The following MDGA2 variants were observed in gnomAD, a reference collection of about 807,000 sequenced individuals.
The protein encoded by MDGA2 is MAM domain-containing glycosylphosphatidylinositol anchor protein 2.
MDGA2 carries 40 observed loss-of-function variants against 117.8 expected under a neutral mutation model. The observed-to-expected ratio is 0.34, with a 90% CI of 0.26 to 0.44. The LOEUF (loss-of-function observed/expected upper bound fraction) is 0.44, where lower values mean the gene tolerates loss of function less well. MDGA2 is among the 20% of genes least tolerant of loss of function. The probability of loss-of-function intolerance (pLI) is 1.00; values close to 1 mark genes in which losing one functional copy is unlikely to be tolerated. For missense variants in MDGA2, 1,123 were observed against 1,250.6 expected, an observed-to-expected ratio of 0.90 and a Z score of 1.54; for synonymous variants, 452 against 439.0, an observed-to-expected ratio of 1.03 and a Z score of -0.37.
At chr14:47,641,403 C>T (rs960909769) in intron 1 of MDGA2, among the ~76,000 whole-genome samples, 3 of 152,014 alleles carry the variant, frequency 2.0e-5, no homozygotes, top group East Asian at 1.9e-4. Flanking sequence ...AGAGACATCT[C>T]ACCATTTCTG....
chr14:47,236,186 G>T lies in MDGA2; in HGVS notation c.421-17991C>A, dbSNP rs1337900089. Among the ~76,000 whole-genome samples, 3 of 151,376 alleles carry T rather than the reference G, an allele frequency of 2.0e-5. No individual in the cohort carries two copies. In the East Asian group the frequency reaches 5.8e-4, roughly 29 times the overall value. ...GGCGCCTGTAGTCCCAGCTGCTCAG[G>T]AGGCTGAGGCAAGAGAATGGCGTCA... On this transcript the variant is annotated intron_variant, in intron 2 of 16. Coordinates refer to ENST00000399232, the MANE Select transcript of MDGA2 (RefSeq NM_001113498.3).
At chr14:47,621,419 G>A (rs1897048036) in intron 1 of MDGA2, among the ~76,000 whole-genome samples, 1 of 151,988 alleles carries the variant, frequency 6.6e-6, no homozygotes, top group South Asian at 2.1e-4. Context: ...GGAGCTCCTG[G>A]GTTCAAATGA....
At chr14:47,263,251 G>A (rs1170795562) in intron 2 of MDGA2, among the ~76,000 whole-genome samples, 1 of 151,962 alleles carries the variant, frequency 6.6e-6, no homozygotes, top group Non-Finnish European at 1.5e-5. Flanking sequence ...TTAAGAACGT[G>A]GATTTAGTTA....
In MDGA2 at chr14:47,561,163, GT is replaced by G. The variant is rs1309865250; in HGVS notation, c.280+113353del. Among the ~76,000 whole-genome samples the G allele has an allele frequency of 1.5e-4, 13 of 83,886 alleles. 2 individuals carry two copies. The highest frequency in any genetic ancestry group is 4.6e-4 in the South Asian group (1 of 2,164). The allele number at this position is 83,886 out of a possible 152,430, so 55.0% of individuals were successfully genotyped here. A position where few individuals can be genotyped will look rare whatever the true frequency, so the allele number is the denominator to read the frequency against. ...TTTGTTTTTTTTTTTGTTTTGTTTT[GT>G]TTTTTTGTTTGTTTGTTTTTTTTTG... On this transcript the variant is annotated intron_variant, in intron 1 of 16. Coordinates refer to ENST00000399232, the MANE Select transcript of MDGA2 (RefSeq NM_001113498.3).
At chr14:46,879,941 G>T (rs910445469) in intron 11 of MDGA2, among the ~76,000 whole-genome samples, 2 of 152,056 alleles carry the variant, frequency 1.3e-5, no homozygotes, top group African/African-American at 2.4e-5. Context: ...AGCAGGAAAC[G>T]TATACTTAAG....
chr14:47,256,747 G>A (rs887811104), intron 2 of MDGA2, among the ~76,000 whole-genome samples: 1 of 151,492 alleles, frequency 6.6e-6, no homozygotes, highest in Non-Finnish European at 1.5e-5. Context: ...TTTATTAAAT[G>A]TAACAAATCA....
At chr14:47,375,779 T>C (rs1207064830) in intron 1 of MDGA2, among the ~76,000 whole-genome samples, 1 of 152,138 alleles carries the variant, frequency 6.6e-6, no homozygotes, top group Non-Finnish European at 1.5e-5. Context: ...ATTTTGTGTT[T>C]CTATGAAATG....
At chr14:47,569,476 G>A (rs1895980060) in intron 1 of MDGA2, among the ~76,000 whole-genome samples, 1 of 152,084 alleles carries the variant, frequency 6.6e-6, no homozygotes, top group Admixed American at 6.6e-5. Context: ...GTCTCTCATT[G>A]ACTATGAAGA....
intron 1 of MDGA2, among the ~76,000 whole-genome samples, chr14:47,542,208 T>C (rs1245919132): frequency 6.6e-6 from 1 of 152,234 alleles, no homozygotes; most frequent in Non-Finnish European, 1.5e-5. Flanking sequence ...CCTTAAAGCA[T>C]AATCTTAAAG....
At chr14:47,453,666 C>T (rs1459586591) in intron 1 of MDGA2, among the ~76,000 whole-genome samples, 1 of 151,832 alleles carries the variant, frequency 6.6e-6, no homozygotes, top group Non-Finnish European at 1.5e-5. Flanking sequence ...AATTTCAAGC[C>T]AAAAAAGTAA....
chr14:47,379,946 T>C (rs1891574374), intron 1 of MDGA2, among the ~76,000 whole-genome samples: 4 of 152,182 alleles, frequency 2.6e-5, no homozygotes. Context: ...GTCGCACTTA[T>C]ATCAAAATTG....
chr14:47,289,077 T>C (rs945308960), intron 2 of MDGA2, among the ~76,000 whole-genome samples: 4 of 152,096 alleles, frequency 2.6e-5, no homozygotes, highest in Admixed American at 6.6e-5. Flanking sequence ...TAAACTTAAG[T>C]CTGAAACCTC....
intron 1 of MDGA2, among the ~76,000 whole-genome samples, chr14:47,609,442 T>TACATATATATATATATATATATATAC (rs1566539666): frequency 1.1e-4 from 10 of 89,604 alleles, no homozygotes; most frequent in Non-Finnish European, 2.2e-4. Context: ...TATATATATA[T>TACATATATATATATATATATATATAC]ATATATATAT....
rs55827732 is a variant in MDGA2 at position 47,155,888 on chromosome 14, C to CTTTTTTTTTTTTTTTTTTTTTTTTTTTT, written c.596-11642_596-11615dup. 1.4e-3 allele frequency among the ~76,000 whole-genome samples: 55 copies of CTTTTTTTTTTTTTTTTTTTTTTTTTTTT among 40,176 alleles called. 11 individuals are homozygous for CTTTTTTTTTTTTTTTTTTTTTTTTTTTT. The highest frequency in any genetic ancestry group is 1.6e-3 in the Non-Finnish European group (38 of 23,064). 26.4% of individuals were successfully genotyped at this position (40,176 alleles called of 152,430 possible). ...ATTCTTTTCTTTTCTTCTTCTTCTT[C>CTTTTTTTTTTTTTTTTTTTTTTTTTTTT]TTTTTTTTTTTTTTTTTTTTTTTTT... On this transcript the variant is annotated intron_variant, in intron 3 of 16. Coordinates refer to ENST00000399232, the MANE Select transcript of MDGA2 (RefSeq NM_001113498.3).
Position 46,874,112 on chromosome 14 carries a change from T to G in MDGA2, c.2526A>C (p.Thr842=). The part of the protein sequence containing the change: ...TDNFDWTKQS[T]ATRNTKYTPN... ...GAGTATATTTTGTATTTCTTGTTGC[T>G]GTACTTTGCTTTGTCCAGTCAAAAT... The change falls in exon 13 of 17, where the codon ACA becomes ACC. Residue 842 remains threonine (T), a synonymous_variant. Transcript: ENST00000399232. 6.4e-7 allele frequency: 1 copy of G among 1,557,374 alleles called. No homozygotes were observed.
chr14:47,476,924 G>A (rs1338882029), intron 1 of MDGA2, among the ~76,000 whole-genome samples: 1 of 152,184 alleles, frequency 6.6e-6, no homozygotes. Context: ...CACTTTGGGA[G>A]GCCGAGGCGG....
At chr14:46,864,653 T>G (rs1277372892) in intron 14 of MDGA2, among the ~76,000 whole-genome samples, 1 of 142,586 alleles carries the variant, frequency 7.0e-6, no homozygotes, top group Admixed American at 7.5e-5. Context: ...CTTCCATCTA[T>G]AGCATTATTT....
At chr14:47,109,499 T>C (rs557562034) in intron 5 of MDGA2, among the ~76,000 whole-genome samples, 16 of 152,222 alleles carry the variant, frequency 1.1e-4, no homozygotes, top group African/African-American at 3.6e-4. Context: ...GTAAAAAGGG[T>C]AGTGTTTTTC....
intron 1 of MDGA2, among the ~76,000 whole-genome samples, chr14:47,498,203 A>C (rs765180478): frequency 1.4e-4 from 22 of 152,104 alleles, no homozygotes; most frequent in African/African-American, 5.3e-4. Context: ...GTTAGTTATA[A>C]ATCTCTAACT....
Sources: gnomAD v4.1 joint callset for allele counts (sites outside exome capture counted in the v4.1 genomes callset) on GRCh38, gnomAD v4.1.1 for gene constraint, MANE v1.5 for transcripts, NCBI Gene and HGNC (gene_info 2026-07-23, HGNC 2026-07-21) for gene names.